Variants in CTNNA3 observed in about 807,000 individuals in gnomAD.
CTNNA3 encodes the protein catenin alpha-3.
In CTNNA3, 76 loss-of-function variants were observed where a neutral mutation model predicts 95.7. That is an observed-to-expected ratio of 0.79 (90% CI 0.66 to 0.96). The LOEUF (loss-of-function observed/expected upper bound fraction) is 0.96. Ranked by LOEUF, CTNNA3 falls within the 40% of genes least tolerant of loss-of-function variation. The pLI, the probability that CTNNA3 is intolerant of heterozygous loss-of-function variation, is 0.00. For synonymous variants in CTNNA3, 431 were observed against 374.4 expected, an observed-to-expected ratio of 1.15 and a Z score of -1.74; for missense variants, 1,191 against 1,089.8, an observed-to-expected ratio of 1.09 and a Z score of -1.31.
chr10:66,441,614 T>C (rs1360653204), intron 11 of CTNNA3, among the ~76,000 whole-genome samples: 1 of 152,226 alleles, frequency 6.6e-6, no homozygotes, highest in Non-Finnish European at 1.5e-5. Context: ...AAAGAACAGA[T>C]TGCTTTTAGA....
intron 7 of CTNNA3, among the ~76,000 whole-genome samples, chr10:67,090,372 T>C (rs1303914658): frequency 2.6e-5 from 4 of 152,072 alleles, no homozygotes; most frequent in African/African-American, 9.7e-5. Context: ...AGTATAAACA[T>C]AGGAAATCTT....
intron 13 of CTNNA3, among the ~76,000 whole-genome samples, chr10:66,165,137 C>T (rs551738651): frequency 1.3e-5 from 2 of 152,116 alleles, no homozygotes; most frequent in East Asian, 3.9e-4. Context: ...CAACTGGAGG[C>T]TGCTATCCTA....
chr10:66,143,852 T>C (rs2083738532), intron 13 of CTNNA3, among the ~76,000 whole-genome samples: 1 of 152,222 alleles, frequency 6.6e-6, no homozygotes, highest in Non-Finnish European at 1.5e-5. Flanking sequence ...AGAGTCTGAT[T>C]TATCTTAAAA....
At chr10:66,594,042 C>T (rs1843633882) in intron 10 of CTNNA3, among the ~76,000 whole-genome samples, 3 of 152,100 alleles carry the variant, frequency 2.0e-5, no homozygotes, top group Admixed American at 6.6e-5. Context: ...ATCTCTTCCA[C>T]CTGACACTTC....
At chr10:66,898,172 C>A (rs1845577896) in intron 7 of CTNNA3, among the ~76,000 whole-genome samples, 1 of 152,116 alleles carries the variant, frequency 6.6e-6, no homozygotes, top group Non-Finnish European at 1.5e-5. Flanking sequence ...CATTTAAAAA[C>A]AACTCAATGG....
chr10:66,149,976 G>C (rs1404075078), intron 13 of CTNNA3, among the ~76,000 whole-genome samples: 1 of 152,030 alleles, frequency 6.6e-6, no homozygotes, highest in East Asian at 1.9e-4. Context: ...AAATGTCCTT[G>C]AGTTAACAAT....
intron 7 of CTNNA3, chr10:67,012,423 A>G (rs1167120987): frequency 6.6e-6 from 1 of 152,216 alleles, no homozygotes; most frequent in Non-Finnish European, 1.5e-5. Flanking sequence ...ATTATTTGAT[A>G]TAATATAAAT....
intron 1 of CTNNA3, among the ~76,000 whole-genome samples, chr10:67,650,489 G>A (rs564420552): frequency 1.2e-4 from 18 of 152,162 alleles, no homozygotes; most frequent in African/African-American, 3.1e-4. Flanking sequence ...AAGACACCAA[G>A]GCAGGGCAAA....
intron 12 of CTNNA3, among the ~76,000 whole-genome samples, chr10:66,357,870 G>A (rs2092623318): frequency 6.6e-6 from 1 of 152,034 alleles, no homozygotes; most frequent in Non-Finnish European, 1.5e-5. Flanking sequence ...AAAACAGTCT[G>A]ACCATTTTCC....
chr10:67,371,232 AT>A (rs541826538), intron 5 of CTNNA3, among the ~76,000 whole-genome samples: 6 of 150,450 alleles, frequency 4.0e-5, no homozygotes, highest in Admixed American at 2.0e-4. Context: ...ATATATACAT[AT>A]TTTTTTTCTA....
chr10:67,407,538 T>A (rs1845183149), intron 5 of CTNNA3, among the ~76,000 whole-genome samples: 1 of 152,126 alleles, frequency 6.6e-6, no homozygotes. Flanking sequence ...CCACTCCTAG[T>A]CAACATAGTA....
chr10:67,038,338 A>C (rs999396251), intron 7 of CTNNA3, among the ~76,000 whole-genome samples: 2 of 152,124 alleles, frequency 1.3e-5, no homozygotes, highest in African/African-American at 4.8e-5. Flanking sequence ...TTAATATTTT[A>C]GTTTACTTAA....
intron 7 of CTNNA3, among the ~76,000 whole-genome samples, chr10:66,970,013 T>G (rs569884491): frequency 6.6e-6 from 1 of 152,264 alleles, no homozygotes; most frequent in East Asian, 1.9e-4. Context: ...ACTATAAGGC[T>G]AGAATTGACT....
intron 12 of CTNNA3, among the ~76,000 whole-genome samples, chr10:66,302,308 G>C (rs2132231706): frequency 6.6e-6 from 1 of 151,898 alleles, no homozygotes; most frequent in South Asian, 2.1e-4. Flanking sequence ...AGGCATTTTG[G>C]GTATTTACTA....
intron 13 of CTNNA3, among the ~76,000 whole-genome samples, chr10:66,150,450 C>T (rs554054408): frequency 5.3e-5 from 8 of 152,028 alleles, no homozygotes; most frequent in African/African-American, 1.9e-4. Flanking sequence ...CAAAATATAT[C>T]TATTATGGTC....
At chr10:66,536,759 G>T (rs1410065969) in intron 10 of CTNNA3, among the ~76,000 whole-genome samples, 1 of 152,034 alleles carries the variant, frequency 6.6e-6, no homozygotes, top group Non-Finnish European at 1.5e-5. Flanking sequence ...TGATAGAGTA[G>T]ATTATTTGTA....
In CTNNA3 at chr10:67,156,454, T is replaced by G. The variant is rs555189935; in HGVS notation, c.1047+23863A>C. 3.3e-3 allele frequency among the ~76,000 whole-genome samples: 509 copies of G among 152,246 alleles called. 1 individual carries two copies. The highest frequency in any genetic ancestry group is 0.012 in the South Asian group (59 of 4,824). On this transcript the variant is annotated intron_variant, in intron 7 of 17. Coordinates refer to ENST00000433211, the MANE Select transcript of CTNNA3 (RefSeq NM_013266.4). Reference sequence around the variant, plus strand: ...CCTCTTAGTACTGGTTTTGCTGCATTCCATGAGCTTGGTGTGCTTTGTTTT... The same window carrying G: ...CCTCTTAGTACTGGTTTTGCTGCATGCCATGAGCTTGGTGTGCTTTGTTTT...
chr10:67,638,144 G>A (rs1337494359), intron 2 of CTNNA3, among the ~76,000 whole-genome samples: 1 of 152,094 alleles, frequency 6.6e-6, no homozygotes, highest in South Asian at 2.1e-4. Context: ...ACACACATAG[G>A]CTCAAAATAA....
intron 5 of CTNNA3, among the ~76,000 whole-genome samples, chr10:67,394,316 A>G (rs1844638142): frequency 6.6e-6 from 1 of 151,958 alleles, no homozygotes. Flanking sequence ...AAAAAAAAGA[A>G]GCCCGTTAGT....
Sources: gnomAD v4.1 joint callset for allele counts (sites outside exome capture counted in the v4.1 genomes callset) on GRCh38, gnomAD v4.1.1 for gene constraint, MANE v1.5 for transcripts, NCBI Gene and HGNC (gene_info 2026-07-23, HGNC 2026-07-21) for gene names.